The following TBC1D30 variants were observed in gnomAD, a reference collection of about 807,000 sequenced individuals.
TBC1D30 encodes the protein TBC1 domain family member 30, also known as TBC1 domain family, member 30.
Under a neutral mutation model 63.2 loss-of-function variants are expected in TBC1D30, and 31 were observed. That is an observed-to-expected ratio of 0.49 (90% CI 0.37 to 0.66). The LOEUF is 0.66. Among genes scored for constraint, TBC1D30 ranks in the 30% least tolerant of loss-of-function variants. The probability of loss-of-function intolerance (pLI) is 0.00; values close to 1 mark genes in which losing one functional copy is unlikely to be tolerated. For synonymous variants in TBC1D30, 307 were observed against 361.5 expected, an observed-to-expected ratio of 0.85 and a Z score of 1.71; for missense variants, 810 against 953.6, an observed-to-expected ratio of 0.85 and a Z score of 1.98.
rs745598088 is a variant in TBC1D30, at chr12:64,875,503, A to G, written c.2001A>G (p.Ala667=). 74 of 1,536,054 alleles carry G rather than the reference A, an allele frequency of 4.8e-5. No individual in the cohort carries two copies. Among genetic ancestry groups the G allele is most frequent in the Non-Finnish European group, 5.8e-5 (66 of 1,146,936 alleles). Residue 667 remains alanine, a synonymous_variant, in exon 12 of 12, where the codon GCA becomes GCG. Transcript: ENST00000539867. ...GALELNQRDA[A]AETELRVHPP... The stretch of plus-strand genomic sequence containing the variant: ...TGGAACTGAACCAGAGGGATGCTGC[A>G]GCTGAAACTGAGCTCAGGGTGCACC...
chr12:64,866,943 T>C (rs1336149113), intron 10 of TBC1D30, 40 bp downstream of exon 10: 14 of 1,532,550 alleles, frequency 9.1e-6, no homozygotes, highest in Non-Finnish European at 1.2e-5. Context: ...CATGATGTAT[T>C]GGTTTACTAC....
chr12:64,837,949 C>T (rs1252373080), intron 6 of TBC1D30, among the ~76,000 whole-genome samples: 2 of 152,094 alleles, frequency 1.3e-5, no homozygotes, highest in East Asian at 3.9e-4. Context: ...GGAAAACAGA[C>T]ATCTTTTTGT....
chr12:64,835,700 G>A (rs1349875166), intron 5 of TBC1D30, among the ~76,000 whole-genome samples: 6 of 152,058 alleles, frequency 3.9e-5, no homozygotes, highest in Non-Finnish European at 4.4e-5. Flanking sequence ...TGACTTCTCC[G>A]ATTCCACTGT....
chr12:64,858,592 A>G (rs931195095), intron 8 of TBC1D30, among the ~76,000 whole-genome samples: 9 of 152,228 alleles, frequency 5.9e-5, no homozygotes, highest in Non-Finnish European at 1.3e-4. Flanking sequence ...ATAGGGGCCC[A>G]GCATTTTGCT....
At chr12:64,834,657 C>T (rs1410313345) in intron 5 of TBC1D30, among the ~76,000 whole-genome samples, 1 of 151,196 alleles carries the variant, frequency 6.6e-6, no homozygotes, top group Non-Finnish European at 1.5e-5. Context: ...GATCCTCCTG[C>T]CTCAGTCTCC....
At chr12:64,844,025 C>T (rs1177431705) in intron 8 of TBC1D30, among the ~76,000 whole-genome samples, 2 of 152,152 alleles carry the variant, frequency 1.3e-5, no homozygotes, top group East Asian at 3.8e-4. Flanking sequence ...AACTCCTAGA[C>T]TCAAGTGATC....
At chr12:64,827,922 TC>T (rs1415804125) in intron 2 of TBC1D30, 26 bp downstream of exon 2, 1 of 1,493,990 alleles carries the variant, frequency 6.7e-7, no homozygotes, top group Admixed American at 2.0e-5. Context: ...AAAACACTCT[TC>T]TTTTGGGGTT....
upstream of TBC1D30, among the ~76,000 whole-genome samples, chr12:64,822,429 C>T (rs1461195650): frequency 2.0e-5 from 3 of 152,140 alleles, no homozygotes; most frequent in Admixed American, 6.6e-5. Context: ...GATTGTCCCA[C>T]CTTGGCCTCC....
intron 8 of TBC1D30, among the ~76,000 whole-genome samples, chr12:64,847,071 A>T (rs1224215047): frequency 6.6e-6 from 1 of 151,926 alleles, no homozygotes; most frequent in African/African-American, 2.4e-5. Context: ...GTTACTTGTT[A>T]TTGGTGTGTT....
At chr12:64,797,019 TCTC>T (rs1189464926) in intron 2 of TBC1D30, among the ~76,000 whole-genome samples, 3 of 112,584 alleles carry the variant, frequency 2.7e-5, no homozygotes, top group Non-Finnish European at 5.2e-5. Flanking sequence ...CAAGTATCAT[TCTC>T]CTCTGCAAAA....
In TBC1D30 at chr12:64,828,102, C is replaced by A. The variant is rs553221498; in HGVS notation, c.216+206C>A. ...AATTTTGCACTTTCTATTAATGGTA[C>A]ATGTGTGAAAAATTTTAAAATGAAT... On this transcript the variant is annotated intron_variant, in intron 2 of 11. Coordinates refer to ENST00000539867, the MANE Select transcript of TBC1D30 (RefSeq NM_015279.2). 3.2e-4 allele frequency among the ~76,000 whole-genome samples: 49 copies of A among 152,292 alleles called. 1 individual carries two copies. Among genetic ancestry groups the A allele is most frequent in the Admixed American group, 2.3e-3 (35 of 15,302 alleles).
At position 64,780,877 on chromosome 12, in the gene TBC1D30, T is replaced by TGGCGA. The variant is rs1871234475; in HGVS notation, c.78_82dup (p.Leu28ArgfsTer57). On this transcript the variant is annotated frameshift_variant, in exon 1 of 13. Transcript: ENST00000542120. LOFTEE classifies it high-confidence loss of function. ...CGGAGCTGGAATTCCGCGGCGGCGG[T>TGGCGA]GGCGAGGCGAGGCTGGAGAGTCAGG... 3 of 1,012,628 alleles carry TGGCGA rather than the reference T, an allele frequency of 3.0e-6. No homozygotes were observed. Among genetic ancestry groups the TGGCGA allele is most frequent in the Non-Finnish European group, 3.6e-6 (3 of 843,628 alleles). 62.7% of individuals were successfully genotyped at this position (1,012,628 alleles called of 1,614,324 possible).
intron 8 of TBC1D30, 98 bp downstream of exon 8, chr12:64,843,583 G>A: frequency 2.4e-6 from 2 of 835,288 alleles, no homozygotes; most frequent in South Asian, 1.6e-5. Context: ...TGCTTGGTTA[G>A]CTGTCAGACT....
chr12:64,831,273 G>A lies in TBC1D30; in HGVS notation c.408+771G>A, dbSNP rs59897137. Among the ~76,000 whole-genome samples, 181 of 152,242 alleles carry A rather than the reference G, an allele frequency of 1.2e-3. 4 individuals carry two copies. The East Asian group carries it at 0.028, about 23-fold the overall frequency. On this transcript the variant is annotated intron_variant, in intron 4 of 11. Coordinates refer to ENST00000539867, the MANE Select transcript of TBC1D30 (RefSeq NM_015279.2). The stretch of plus-strand genomic sequence containing the variant: ...TACTTTCTGTTCTAACTTGGTTTCA[G>A]ACAAATGCTAAAAAAGTTATGCAAT...
chr12:64,814,055 GTACTTTTTTTT>G (rs1280859641), intron 2 of TBC1D30, among the ~76,000 whole-genome samples: 1 of 152,034 alleles, frequency 6.6e-6, no homozygotes, highest in East Asian at 1.9e-4. Context: ...GTTAAGGAAG[GTACTTTTTTTT>G]TGAGATAGGG....
rs1878970525 is a variant in TBC1D30, at chr12:64,875,339, G to A, written c.1837G>A (p.Gly613Ser). The change falls in exon 12 of 12, where the codon GGT becomes AGT. Residue 613 changes from glycine (G) to serine (S), a missense_variant. Around this residue, in one of 4 missense-constraint regions of TBC1D30, gnomAD observed 450 missense variants for 473.0 expected, o/e 0.95. Transcript: ENST00000539867. ...GGGGGCAGCAGAGGCATTCCCCTCT[G>A]GTTGTACAGCGACAGCTGGGAGAGA... is the stretch of plus-strand genomic sequence containing the variant. ...GLGAAEAFPS[G>S]CTATAGREGS... 2.6e-6 allele frequency: 4 copies of A among 1,536,256 alleles called. No homozygotes were observed. The highest frequency in any genetic ancestry group is 2.6e-6 in the Non-Finnish European group (3 of 1,146,918).
At chr12:64,762,960 C>T (rs1367952853) in intron 1 of TBC1D30, among the ~76,000 whole-genome samples, 2 of 152,102 alleles carry the variant, frequency 1.3e-5, no homozygotes. Flanking sequence ...CATTTCGTGA[C>T]ATTCTGCATT....
At chr12:64,795,578 T>G (rs1409399437) in intron 2 of TBC1D30, among the ~76,000 whole-genome samples, 1 of 152,162 alleles carries the variant, frequency 6.6e-6, no homozygotes, top group Non-Finnish European at 1.5e-5. Context: ...TTGTGGACTG[T>G]GTAGTATAAC....
chr12:64,808,916 G>T (rs1873040976), intron 2 of TBC1D30, among the ~76,000 whole-genome samples: 1 of 152,126 alleles, frequency 6.6e-6, no homozygotes, highest in African/African-American at 2.4e-5. Context: ...CCCATTGTAT[G>T]TATTACCACA....
Sources: allele counts gnomAD v4.1 joint callset (sites outside exome capture counted in the v4.1 genomes callset), GRCh38; gene constraint gnomAD v4.1.1; regional missense constraint gnomAD v4.1.1; transcripts MANE v1.5; gene names NCBI Gene and HGNC (gene_info 2026-07-23, HGNC 2026-07-21).